The following PSME4 variants were observed in gnomAD, a reference collection of about 807,000 sequenced individuals.
PSME4 encodes proteasome activator subunit 4, also known as proteasome activator complex subunit 4.
Under a neutral mutation model 253.9 loss-of-function variants are expected in PSME4, and 89 were observed. The ratio of observed to expected loss-of-function variants is 0.35; its 90% CI spans 0.30 to 0.42. The LOEUF is 0.42. Ranked by LOEUF, PSME4 falls within the 10% of genes least tolerant of loss-of-function variation. The probability of loss-of-function intolerance (pLI) is 1.00; values close to 1 mark genes in which losing one functional copy is unlikely to be tolerated. For missense variants in PSME4, 2,014 were observed against 2,195.2 expected (o/e 0.92, Z 1.65); for synonymous variants, 851 against 759.2 (o/e 1.12, Z -1.99).
rs1222094739 is a variant in PSME4 at position 53,891,828 on chromosome 2, TGGGCGATA to T, written c.4191+972_4191+979del. 3.5e-5 allele frequency among the ~76,000 whole-genome samples: 5 copies of T among 142,726 alleles called. No homozygotes were observed. In the East Asian group the frequency reaches 1.0e-3, roughly 29 times the overall value. 93.6% of individuals were successfully genotyped at this position (142,726 alleles called of 152,430 possible). ...ATGATCACACTACTGTACTCCAGCC[TGGGCGATA>T]GGGCGATAGAGTAAGACTGTCCAAA... is the stretch of plus-strand genomic sequence containing the variant. On this transcript the variant is annotated intron_variant, in intron 36 of 46. Coordinates refer to ENST00000404125, the MANE Select transcript of PSME4 (RefSeq NM_014614.3).
intron 5 of PSME4, 48 bp downstream of exon 5, chr2:53,937,343 T>C (rs774149314): frequency 6.9e-7 from 1 of 1,453,730 alleles, no homozygotes; most frequent in Non-Finnish European, 9.3e-7. Context: ...TCTTTATCTG[T>C]ATTTCCTACC....
At chr2:53,923,913 C>CAAAAAAAAAAA (rs199929436) in intron 14 of PSME4, among the ~76,000 whole-genome samples, 10 of 96,878 alleles carry the variant, frequency 1.0e-4, no homozygotes, top group African/African-American at 1.8e-4. Context: ...ACAGAGTTAA[C>CAAAAAAAAAAA]AAAAAAAAAA....
chr2:53,894,894 A>G, intron 34 of PSME4, 113 bp downstream of exon 34: 1 of 972,740 alleles, frequency 1.0e-6, no homozygotes, highest in Non-Finnish European at 1.5e-6. Context: ...GCTATACAGA[A>G]AAACACAAAT....
intron 31 of PSME4, among the ~76,000 whole-genome samples, chr2:53,897,666 T>C (rs1361338481): frequency 6.6e-6 from 1 of 152,196 alleles, no homozygotes; most frequent in East Asian, 1.9e-4. Flanking sequence ...TCCTGCTATA[T>C]CCCCAGTCTT....
chr2:53,966,930 C>T (rs980869873), intron 1 of PSME4, among the ~76,000 whole-genome samples: 2 of 152,096 alleles, frequency 1.3e-5, no homozygotes, highest in African/African-American at 2.4e-5. Flanking sequence ...GAACTCCTGA[C>T]CTCGTGATCC....
At chr2:53,956,808 A>G (rs550030410) in intron 1 of PSME4, among the ~76,000 whole-genome samples, 1 of 152,130 alleles carries the variant, frequency 6.6e-6, no homozygotes, top group Non-Finnish European at 1.5e-5. Flanking sequence ...GTAAAATACA[A>G]TGTTTAAAAT....
At chr2:53,938,458 A>C (rs1471905960) in intron 4 of PSME4, among the ~76,000 whole-genome samples, 1 of 152,006 alleles carries the variant, frequency 6.6e-6, no homozygotes, top group African/African-American at 2.4e-5. Flanking sequence ...AAAACTGCTA[A>C]ATACACCTTA....
At chr2:53,882,608 G>A (rs765336875) in intron 41 of PSME4, among the ~76,000 whole-genome samples, 13 of 152,166 alleles carry the variant, frequency 8.5e-5, no homozygotes, top group Non-Finnish European at 1.3e-4. Flanking sequence ...CATGGGCCAT[G>A]GAGATGAATT....
chr2:53,898,183 A>G, intron 30 of PSME4, 118 bp downstream of exon 30: 2 of 1,220,950 alleles, frequency 1.6e-6, no homozygotes. Context: ...TCTGCTTCCA[A>G]ATACACAAAC....
At chr2:53,933,765 A>C (rs1328073627) in intron 8 of PSME4, among the ~76,000 whole-genome samples, 1 of 152,240 alleles carries the variant, frequency 6.6e-6, no homozygotes, top group Non-Finnish European at 1.5e-5. Flanking sequence ...ACAATAACTA[A>C]TACTAATCAC....
At chr2:53,964,358 T>G (rs1670622533) in intron 1 of PSME4, among the ~76,000 whole-genome samples, 1 of 152,168 alleles carries the variant, frequency 6.6e-6, no homozygotes, top group South Asian at 2.1e-4. Context: ...AAATATGAAA[T>G]ATGTCTTATT....
chr2:53,909,780 G>C (rs770676747), intron 21 of PSME4, among the ~76,000 whole-genome samples: 1 of 152,072 alleles, frequency 6.6e-6, no homozygotes. Flanking sequence ...TGGCCACCAC[G>C]GTGAAACTCT....
intron 20 of PSME4, among the ~76,000 whole-genome samples, chr2:53,916,089 A>T (rs1351742735): frequency 1.3e-5 from 2 of 152,046 alleles, no homozygotes; most frequent in Admixed American, 6.6e-5. Context: ...AAAAATTAAA[A>T]TACAAAAATT....
intron 5 of PSME4, 104 bp from the exon 6 acceptor site, chr2:53,936,931 C>A (rs77568759): frequency 4.1e-6 from 3 of 731,668 alleles, no homozygotes; most frequent in Non-Finnish European, 6.7e-6. Context: ...CTGATAACTA[C>A]GTTAACTAGA....
Position 53,965,503 on chromosome 2 carries a change from G to A in PSME4, c.242+5040C>T, listed in dbSNP as rs1174693945. On this transcript the variant is annotated intron_variant, in intron 1 of 46. Transcript: ENST00000404125. Reference sequence around the variant, plus strand: ...AGTGCAGGGATTACAGGCGTGAGCCGCCACACCCAGCGCATCCAAGTGATT... The same window carrying A: ...AGTGCAGGGATTACAGGCGTGAGCCACCACACCCAGCGCATCCAAGTGATT... Among the ~76,000 whole-genome samples the A allele has an allele frequency of 6.6e-5, 10 of 151,904 alleles. No homozygotes were observed. In the East Asian group the frequency reaches 1.7e-3, roughly 27 times the overall value.
chr2:53,957,661 C>T (rs1670295979), intron 1 of PSME4, among the ~76,000 whole-genome samples: 1 of 152,086 alleles, frequency 6.6e-6, no homozygotes, highest in Non-Finnish European at 1.5e-5. Flanking sequence ...AGATGGAGAC[C>T]CCTACTTTAG....
intron 1 of PSME4, among the ~76,000 whole-genome samples, chr2:53,958,305 G>A (rs922385619): frequency 3.3e-5 from 5 of 151,724 alleles, no homozygotes; most frequent in African/African-American, 7.3e-5. Context: ...GCAGTGAGCT[G>A]AGATAGCACC....
chr2:53,970,909 C>T lies in PSME4; in HGVS notation c.-125G>A. On this transcript the variant is annotated 5_prime_UTR_variant, in exon 1 of 47. Transcript: ENST00000404125. ...CCGCTGGCGGCCCGTCGCCCTCGGA[C>T]CGATCGCTAGGCCCCCTTCCCTGGC... is the stretch of plus-strand genomic sequence containing the variant. 3 of 788,104 alleles carry T rather than the reference C, an allele frequency of 3.8e-6. No individual in the cohort carries two copies. The highest frequency in any genetic ancestry group is 4.5e-5 in the South Asian group (2 of 44,840). The allele number at this position is 788,104 out of a possible 1,614,324, so 48.8% of individuals were successfully genotyped here.
At chr2:53,880,971 G>A (rs1679354694) in intron 41 of PSME4, among the ~76,000 whole-genome samples, 1 of 152,164 alleles carries the variant, frequency 6.6e-6, no homozygotes, top group South Asian at 2.1e-4. Flanking sequence ...TTCATCTGTT[G>A]AATCAGCCGT....
Sources: allele counts gnomAD v4.1 joint callset (sites outside exome capture counted in the v4.1 genomes callset), GRCh38; gene constraint gnomAD v4.1.1; transcripts MANE v1.5; gene names NCBI Gene and HGNC (gene_info 2026-07-23, HGNC 2026-07-21).